PACS1: variants seen among roughly 807,000 people sequenced by gnomAD.
The protein encoded by PACS1 is phosphofurin acidic cluster sorting protein 1.
A neutral mutation model predicts 115.0 loss-of-function variants in PACS1; 24 were observed. That is an observed-to-expected ratio of 0.21 (90% CI 0.15 to 0.29). The LOEUF (loss-of-function observed/expected upper bound fraction) is 0.29, where lower values mean the gene tolerates loss of function less well. PACS1 is among the 10% of genes least tolerant of loss of function. PACS1 has a pLI of 1.00. For missense variants in PACS1, 838 were observed against 1,251.2 expected (o/e 0.67, Z 4.98); for synonymous variants, 453 against 504.5 (o/e 0.90, Z 1.37).
intron 2 of PACS1, among the ~76,000 whole-genome samples, chr11:66,204,162 A>G (rs903285111): frequency 1.3e-5 from 2 of 152,180 alleles, no homozygotes; most frequent in African/African-American, 4.8e-5. Flanking sequence ...GGGATTAATA[A>G]CCAGACTATA....
intron 1 of PACS1, among the ~76,000 whole-genome samples, chr11:66,094,002 A>G (rs1380883330): frequency 2.0e-5 from 3 of 150,522 alleles, no homozygotes; most frequent in Non-Finnish European, 4.5e-5. Flanking sequence ...AACCAACGAG[A>G]ACAAAGACAC....
chr11:66,235,435 T>C lies in PACS1; in HGVS notation c.2207+32T>C. 2.0e-6 allele frequency: 3 copies of C among 1,474,210 alleles called. No homozygotes were observed. Among genetic ancestry groups the C allele is most frequent in the Non-Finnish European group, 2.8e-6 (3 of 1,052,918 alleles). 91.3% of individuals were successfully genotyped at this position (1,474,210 alleles called of 1,614,324 possible). A position where few individuals can be genotyped will look rare whatever the true frequency, so the allele number is the denominator to read the frequency against. ...TTGACTTTGAGGGGTTTCTTAAAAA[T>C]AGGTTGGGTGGGTTAGAGGAATCTT... On this transcript the variant is annotated intron_variant, in intron 18 of 23. Coordinates refer to ENST00000320580, the MANE Select transcript of PACS1 (RefSeq NM_018026.4). The surrounding 1 kb of genome is among the most constrained non-coding windows in gnomAD (Gnocchi z 5.6).
chr11:66,147,217 A>G (rs1365805817), intron 1 of PACS1, among the ~76,000 whole-genome samples: 2 of 152,240 alleles, frequency 1.3e-5, no homozygotes, highest in African/African-American at 4.8e-5. Context: ...CAAAGTACTG[A>G]AAGAAAAAAC....
At chr11:66,084,812 TGAG>T (rs1432447254) in intron 1 of PACS1, among the ~76,000 whole-genome samples, 1 of 152,232 alleles carries the variant, frequency 6.6e-6, no homozygotes, top group African/African-American at 2.4e-5. Context: ...ACAGAGCTCT[TGAG>T]GGAGTTTTTT....
chr11:66,119,807 G>A (rs1347682845), intron 1 of PACS1, among the ~76,000 whole-genome samples: 1 of 152,208 alleles, frequency 6.6e-6, no homozygotes, highest in Non-Finnish European at 1.5e-5. Flanking sequence ...CTGGTGTGCT[G>A]TTAGCTGAAG....
chr11:66,088,632 G>A (rs187266505), intron 1 of PACS1, among the ~76,000 whole-genome samples: 1 of 152,108 alleles, frequency 6.6e-6, no homozygotes, highest in Non-Finnish European at 1.5e-5. Context: ...CATCAATGCC[G>A]CCCTGTCTCC....
chr11:66,219,536 T>TCCCCGCAGCTGCACCCAAGG, intron 7 of PACS1: 1 of 684,672 alleles, frequency 1.5e-6, no homozygotes. Context: ...ACATTCCTTC[T>TCCCCGCAGCTGCACCCAAGG]CCCCGCAGCT....
At chr11:66,195,467 C>G (rs780094070) in intron 2 of PACS1, among the ~76,000 whole-genome samples, 1 of 152,168 alleles carries the variant, frequency 6.6e-6, no homozygotes, top group Non-Finnish European at 1.5e-5. Flanking sequence ...GCTTCCTTTG[C>G]TAAAGAATGT....
chr11:66,080,823 G>A (rs1857465008), intron 1 of PACS1, among the ~76,000 whole-genome samples: 1 of 152,192 alleles, frequency 6.6e-6, no homozygotes, highest in South Asian at 2.1e-4. Flanking sequence ...TGGTATAGTG[G>A]CTGTGAGTGT....
chr11:66,241,408 C>G lies in PACS1; in HGVS notation c.2430-19C>G, dbSNP rs898088143. 1.3e-6 allele frequency: 2 copies of G among 1,556,452 alleles called. No individual in the cohort carries two copies. Among genetic ancestry groups the G allele is most frequent in the African/African-American group, 1.4e-5 (1 of 73,712 alleles). ...GCTGAAGGCAGAGCTGACCTCTCCTCTTTGTTCCCTTTCCTCAGGAGCCCT... is the reference window on the plus strand; with the variant it reads ...GCTGAAGGCAGAGCTGACCTCTCCTGTTTGTTCCCTTTCCTCAGGAGCCCT... On this transcript the variant is annotated intron_variant, in intron 21 of 23. Coordinates refer to ENST00000320580, the MANE Select transcript of PACS1 (RefSeq NM_018026.4).
At chr11:66,124,318 G>A (rs886226305) in intron 1 of PACS1, among the ~76,000 whole-genome samples, 2 of 152,188 alleles carry the variant, frequency 1.3e-5, no homozygotes, top group Admixed American at 6.5e-5. Flanking sequence ...AGAGAAAACT[G>A]TGGACATAAT....
chr11:66,075,088 G>A (rs533373138), intron 1 of PACS1, among the ~76,000 whole-genome samples: 5 of 151,254 alleles, frequency 3.3e-5, no homozygotes, highest in East Asian at 3.9e-4. Context: ...GACTACAGGC[G>A]CCTGCCACCA....
intron 1 of PACS1, among the ~76,000 whole-genome samples, chr11:66,161,039 A>G (rs976878857): frequency 6.6e-6 from 1 of 152,010 alleles, no homozygotes; most frequent in Non-Finnish European, 1.5e-5. Context: ...AGTACCCCTC[A>G]CTTAGTGAGG....
chr11:66,152,926 A>T (rs977481590), intron 1 of PACS1, among the ~76,000 whole-genome samples: 1 of 152,214 alleles, frequency 6.6e-6, no homozygotes, highest in Non-Finnish European at 1.5e-5. Context: ...AGGGCTAAAG[A>T]CATTTTCAGA....
intron 7 of PACS1, chr11:66,217,342 A>G (rs1855237010): frequency 3.1e-6 from 1 of 327,524 alleles, no homozygotes; most frequent in African/African-American, 2.2e-5. Context: ...TGTTTTGATG[A>G]CATTTGAGTC....
chr11:66,184,162 A>G (rs563423879), intron 1 of PACS1, among the ~76,000 whole-genome samples: 2 of 151,996 alleles, frequency 1.3e-5, no homozygotes, highest in Non-Finnish European at 2.9e-5. Context: ...TTAGAAGGGT[A>G]TTAGCCGGGT....
At chr11:66,085,638 T>A (rs1323105683) in intron 1 of PACS1, among the ~76,000 whole-genome samples, 1 of 152,224 alleles carries the variant, frequency 6.6e-6, no homozygotes, top group Non-Finnish European at 1.5e-5. Context: ...GAATTAGAAT[T>A]CTCTTTACAG....
chr11:66,132,883 G>A (rs914366607), intron 1 of PACS1, among the ~76,000 whole-genome samples: 1 of 152,208 alleles, frequency 6.6e-6, no homozygotes, highest in African/African-American at 2.4e-5. Flanking sequence ...GGCCAGGCTG[G>A]TCTCGAACTC....
intron 7 of PACS1, among the ~76,000 whole-genome samples, chr11:66,219,292 G>A (rs769094142): frequency 6.6e-5 from 10 of 151,890 alleles, no homozygotes; most frequent in Non-Finnish European, 4.4e-5. Flanking sequence ...GACTCCAGGC[G>A]TAGATGTTGG....
Sources: gnomAD v4.1 joint callset for allele counts (sites outside exome capture counted in the v4.1 genomes callset) on GRCh38, gnomAD v4.1.1 for gene constraint, Gnocchi (gnomAD v3.1) non-coding constraint, MANE v1.5 for transcripts, NCBI Gene and HGNC (gene_info 2026-07-23, HGNC 2026-07-21) for gene names.